The following C19orf47 variants were observed in gnomAD, a reference collection of about 807,000 sequenced individuals.
The protein encoded by C19orf47 is chromosome 19 open reading frame 47.
In C19orf47, 18 loss-of-function variants were observed where a neutral mutation model predicts 32.3. That is an observed-to-expected ratio of 0.56 (90% CI 0.39 to 0.83). C19orf47 has a LOEUF of 0.83. Among genes scored for constraint, C19orf47 ranks in the 40% least tolerant of loss-of-function variants. C19orf47 has a pLI of 0.00. For missense variants in C19orf47, 484 were observed against 531.6 expected, an observed-to-expected ratio of 0.91 and a Z score of 0.88; for synonymous variants, 202 against 211.1, an observed-to-expected ratio of 0.96 and a Z score of 0.37.
At position 40,338,264 on chromosome 19, in the gene C19orf47, T is replaced by TACAC. The variant is rs770769948; in HGVS notation, c.20-1858_20-1857insGTGT. Among the ~76,000 whole-genome samples, 600 of 77,672 alleles carry TACAC rather than the reference T, an allele frequency of 7.7e-3. 2 individuals carry two copies. Among genetic ancestry groups the TACAC allele is most frequent in the Non-Finnish European group, 0.012 (408 of 33,370 alleles). 51.0% of individuals were successfully genotyped at this position (77,672 alleles called of 152,430 possible). ...AATTTTTTGTATATATATACATATA[T>TACAC]ATACACACACACACACACACACACA... On this transcript the variant is annotated intron_variant, in intron 2 of 8. Transcript: ENST00000683109.
At chr19:40,329,727 TC>T (rs1294336587) in intron 5 of C19orf47, among the ~76,000 whole-genome samples, 1 of 152,128 alleles carries the variant, frequency 6.6e-6, no homozygotes, top group African/African-American at 2.4e-5. Context: ...CCCCAGCACT[TC>T]TTCAGACATT....
intron 2 of C19orf47, among the ~76,000 whole-genome samples, chr19:40,339,690 G>A (rs1324433124): frequency 6.6e-6 from 1 of 152,100 alleles, no homozygotes; most frequent in African/African-American, 2.4e-5. Context: ...AAGCAAGGAA[G>A]GCCAGGAGCG....
chr19:40,339,746 C>T (rs1282646146), intron 2 of C19orf47, among the ~76,000 whole-genome samples: 4 of 151,714 alleles, frequency 2.6e-5, no homozygotes, highest in African/African-American at 4.8e-5. Context: ...CCGAGATGGA[C>T]GGATCACCTG....
Position 40,336,595 on chromosome 19 carries a change from G to A in C19orf47, c.20-188C>T, listed in dbSNP as rs193121529. Among the ~76,000 whole-genome samples the A allele has an allele frequency of 8.5e-5, 13 of 152,182 alleles. No homozygotes were observed. In the East Asian group the frequency reaches 2.5e-3, roughly 29 times the overall value. On this transcript the variant is annotated intron_variant, in intron 2 of 8. Transcript: ENST00000683109. Reference sequence around the variant, plus strand: ...TGTGAGTTAAGCAGTATTAAGATTCGCCTGAGTTGCCGATGAGGAAAATGA... The same window carrying A: ...TGTGAGTTAAGCAGTATTAAGATTCACCTGAGTTGCCGATGAGGAAAATGA...
the C19orf47 span, among the ~76,000 whole-genome samples, chr19:40,313,271 T>C: frequency 6.6e-6 from 1 of 152,214 alleles, no homozygotes; most frequent in African/African-American, 2.4e-5. Context: ...TTTTGTACTG[T>C]TCCCATGAAT....
intron 5 of C19orf47, among the ~76,000 whole-genome samples, chr19:40,331,588 T>C (rs529626839): frequency 6.6e-6 from 1 of 151,682 alleles, no homozygotes; most frequent in African/African-American, 2.4e-5. Context: ...CAGTGAGCTA[T>C]GACTGCACCA....
intron 5 of C19orf47, among the ~76,000 whole-genome samples, chr19:40,330,234 TTC>T (rs765210109): frequency 1.3e-5 from 2 of 150,302 alleles, no homozygotes; most frequent in Non-Finnish European, 3.0e-5. Flanking sequence ...TTTCTTTTTT[TTC>T]TTTTTTTTTT....
intron 7 of C19orf47, among the ~76,000 whole-genome samples, chr19:40,325,688 C>T (rs1008493840): frequency 2.6e-5 from 4 of 152,070 alleles, no homozygotes; most frequent in Non-Finnish European, 5.9e-5. Context: ...TATGTATGTA[C>T]CTAGATGCTG....
At chr19:40,345,091 A>G (rs1184777954) in intron 1 of C19orf47, among the ~76,000 whole-genome samples, 2 of 152,100 alleles carry the variant, frequency 1.3e-5, no homozygotes, top group Non-Finnish European at 2.9e-5. Flanking sequence ...CTGTTTTTCA[A>G]TGTCTCAGTT....
intron 6 of C19orf47, among the ~76,000 whole-genome samples, chr19:40,326,705 T>C (rs2077838493): frequency 6.6e-6 from 1 of 152,078 alleles, no homozygotes; most frequent in South Asian, 2.1e-4. Flanking sequence ...GTGGCAGGCC[T>C]CCCAGGCTTT....
chr19:40,333,445 T>C (rs1234834437), intron 5 of C19orf47, among the ~76,000 whole-genome samples: 2 of 152,018 alleles, frequency 1.3e-5, no homozygotes, highest in African/African-American at 4.8e-5. Context: ...TGGCTATGAG[T>C]TCCCGGTTAA....
chr19:40,307,238 G>C, the C19orf47 span, among the ~76,000 whole-genome samples: 1 of 151,938 alleles, frequency 6.6e-6, no homozygotes, highest in African/African-American at 2.4e-5. Flanking sequence ...TGGGATTACA[G>C]GCGCATGCCA....
At chr19:40,295,091 G>A in the C19orf47 span, among the ~76,000 whole-genome samples, 43 of 151,064 alleles carry the variant, frequency 2.8e-4, no homozygotes, top group African/African-American at 1.0e-3. Flanking sequence ...GCTTAATCTC[G>A]CCTCACTGCA....
At chr19:40,347,617 C>A (rs1239427194) in intron 1 of C19orf47, among the ~76,000 whole-genome samples, 1 of 152,004 alleles carries the variant, frequency 6.6e-6, no homozygotes, top group Non-Finnish European at 1.5e-5. Flanking sequence ...TAGTCATTAT[C>A]AAGAAAAAGA....
At chr19:40,301,937 A>C in the C19orf47 span, among the ~76,000 whole-genome samples, 1 of 151,926 alleles carries the variant, frequency 6.6e-6, no homozygotes, top group African/African-American at 2.4e-5. Flanking sequence ...AGGCAGGTGG[A>C]TCACTTGAGG....
chr19:40,310,279 A>G, the C19orf47 span, among the ~76,000 whole-genome samples: 1 of 151,668 alleles, frequency 6.6e-6, no homozygotes, highest in East Asian at 1.9e-4. Context: ...GCTCACATGT[A>G]TAATCCCAGT....
At chr19:40,326,944 G>A (rs1023388298) in intron 6 of C19orf47, among the ~76,000 whole-genome samples, 20 of 151,598 alleles carry the variant, frequency 1.3e-4, no homozygotes, top group Non-Finnish European at 1.6e-4. Flanking sequence ...CGTGTTAAGG[G>A]TTAAAAGAGC....
At chr19:40,334,412 G>T (rs1443622974) in intron 4 of C19orf47, among the ~76,000 whole-genome samples, 1 of 152,090 alleles carries the variant, frequency 6.6e-6, no homozygotes, top group Admixed American at 6.6e-5. Flanking sequence ...TTGTACCACT[G>T]CATTCTAGCC....
At chr19:40,313,924 C>G in the C19orf47 span, among the ~76,000 whole-genome samples, 1 of 149,682 alleles carries the variant, frequency 6.7e-6, no homozygotes, top group Non-Finnish European at 1.5e-5. Context: ...GAGGGAGACT[C>G]TGTCTCAAAA....
Sources: gnomAD v4.1 joint callset for allele counts (sites outside exome capture counted in the v4.1 genomes callset) on GRCh38, gnomAD v4.1.1 for gene constraint, MANE v1.5 for transcripts, NCBI Gene and HGNC (gene_info 2026-07-23, HGNC 2026-07-21) for gene names.